Variants in KIAA1328 observed in about 807,000 individuals in gnomAD.
KIAA1328 encodes protein hinderin.
KIAA1328 carries 52 observed loss-of-function variants against 68.1 expected under a neutral mutation model. That is an observed-to-expected ratio of 0.76 (90% confidence interval 0.61 to 0.96). The LOEUF is 0.96. KIAA1328 is among the 40% of genes least tolerant of loss of function. The pLI, the probability that KIAA1328 is intolerant of heterozygous loss-of-function variation, is 0.00. For missense variants in KIAA1328, 641 were observed against 677.6 expected (o/e 0.95, Z 0.60); for synonymous variants, 232 against 239.4 (o/e 0.97, Z 0.28).
intron 4 of KIAA1328, among the ~76,000 whole-genome samples, chr18:36,884,141 T>C (rs1383666732): frequency 6.6e-6 from 1 of 151,826 alleles, no homozygotes; most frequent in Non-Finnish European, 1.5e-5. Flanking sequence ...TTATTGCAAG[T>C]GGGCTTGAGA....
At chr18:36,869,876 T>C (rs1350096849) in intron 4 of KIAA1328, among the ~76,000 whole-genome samples, 1 of 152,128 alleles carries the variant, frequency 6.6e-6, no homozygotes, top group Non-Finnish European at 1.5e-5. Context: ...TTATTCTTTT[T>C]TTTTTGAGAC....
chr18:36,904,276 T>C (rs2049138820), intron 5 of KIAA1328, among the ~76,000 whole-genome samples: 1 of 152,146 alleles, frequency 6.6e-6, no homozygotes, highest in African/African-American at 2.4e-5. Context: ...AGCTTCTATA[T>C]GCATATTGAT....
In KIAA1328 at chr18:37,067,467, A is replaced by G. The variant is rs1843070940; in HGVS notation, c.1154A>G (p.Gln385Arg). ...CTGGAAATTGAAAAGGAGCGCCTTC[A>G]GCATCTGCTGGCCCAGCAGGAGACA... ...MELEIEKERL[Q>R]HLLAQQETKL... Residue 385 changes from glutamine to arginine, a missense_variant, in exon 7 of 10, where the codon CAG becomes CGG. Gln to Arg is a conservative substitution (Grantham distance 43). Coordinates refer to ENST00000280020, the MANE Select transcript of KIAA1328 (RefSeq NM_020776.3). The G allele has an allele frequency of 6.4e-7, 1 of 1,562,246 alleles. No homozygotes were observed. The highest frequency in any genetic ancestry group is 8.7e-7 in the Non-Finnish European group (1 of 1,154,496).
chr18:36,848,856 CATTG>C (rs2047122168), intron 4 of KIAA1328, among the ~76,000 whole-genome samples: 1 of 151,336 alleles, frequency 6.6e-6, no homozygotes, highest in Non-Finnish European at 1.5e-5. Flanking sequence ...AGGTAAACTA[CATTG>C]ATTGATTTTT....
intron 6 of KIAA1328, among the ~76,000 whole-genome samples, chr18:36,993,220 TAGAA>T (rs1429447040): frequency 6.6e-6 from 1 of 152,214 alleles, no homozygotes; most frequent in Non-Finnish European, 1.5e-5. Flanking sequence ...AGTTGAATGT[TAGAA>T]AGGAAATTCC....
intron 6 of KIAA1328, among the ~76,000 whole-genome samples, chr18:37,056,143 TGA>T (rs1264004336): frequency 2.0e-5 from 3 of 152,298 alleles, no homozygotes; most frequent in African/African-American, 7.2e-5. Context: ...TTTTGACATG[TGA>T]GAACGTGAGA....
intron 4 of KIAA1328, among the ~76,000 whole-genome samples, chr18:36,872,970 G>A (rs1223381667): frequency 6.6e-6 from 1 of 152,164 alleles, no homozygotes; most frequent in African/African-American, 2.4e-5. Flanking sequence ...TTGTGTGACT[G>A]TATTGAAGCA....
intron 5 of KIAA1328, among the ~76,000 whole-genome samples, chr18:36,900,976 T>G (rs566847468): frequency 6.6e-6 from 1 of 152,184 alleles, no homozygotes; most frequent in African/African-American, 2.4e-5. Flanking sequence ...TATAATCTGG[T>G]TGTCTCTTCA....
At chr18:37,030,010 A>G (rs749672707) in intron 6 of KIAA1328, among the ~76,000 whole-genome samples, 9 of 152,128 alleles carry the variant, frequency 5.9e-5, no homozygotes, top group Admixed American at 2.0e-4. Flanking sequence ...CATGCATAAC[A>G]TTCCTTTATT....
At chr18:37,015,664 T>C (rs1044746941) in intron 6 of KIAA1328, among the ~76,000 whole-genome samples, 6 of 152,198 alleles carry the variant, frequency 3.9e-5, no homozygotes, top group African/African-American at 1.4e-4. Context: ...TTGTGTCACT[T>C]GTGATTTCTT....
intron 1 of KIAA1328, among the ~76,000 whole-genome samples, chr18:36,831,917 G>A (rs925311486): frequency 6.6e-6 from 1 of 151,376 alleles, no homozygotes; most frequent in African/African-American, 2.4e-5. Flanking sequence ...AAATGTGGAT[G>A]GAAAATATTT....
chr18:37,057,163 T>C (rs2055944327), intron 6 of KIAA1328, among the ~76,000 whole-genome samples: 2 of 152,310 alleles, frequency 1.3e-5, no homozygotes, highest in South Asian at 4.1e-4. Flanking sequence ...TATTGTTCAC[T>C]TTTATTACTG....
intron 5 of KIAA1328, among the ~76,000 whole-genome samples, chr18:36,907,118 T>A (rs543999844): frequency 6.6e-6 from 1 of 152,144 alleles, no homozygotes. Context: ...GGAATAAAGT[T>A]GACTTTTCTA....
At chr18:37,111,777 G>C (rs2057938205) in intron 7 of KIAA1328, among the ~76,000 whole-genome samples, 1 of 152,168 alleles carries the variant, frequency 6.6e-6, no homozygotes, top group Non-Finnish European at 1.5e-5. Flanking sequence ...CCTAGCCAAG[G>C]GAAGCCATGA....
chr18:36,894,549 AG>A (rs1238741994), intron 5 of KIAA1328, among the ~76,000 whole-genome samples: 1 of 151,494 alleles, frequency 6.6e-6, no homozygotes, highest in Non-Finnish European at 1.5e-5. Context: ...TTTTTGAGAC[AG>A]GGTCTTACCA....
At chr18:36,869,319 G>T (rs748014142) in intron 4 of KIAA1328, among the ~76,000 whole-genome samples, 8 of 151,962 alleles carry the variant, frequency 5.3e-5, no homozygotes, top group African/African-American at 1.9e-4. Flanking sequence ...TATTTCTTCT[G>T]GTTCTAACCA....
intron 6 of KIAA1328, among the ~76,000 whole-genome samples, chr18:37,013,791 C>G (rs2054057681): frequency 6.6e-6 from 1 of 152,080 alleles, no homozygotes; most frequent in African/African-American, 2.4e-5. Flanking sequence ...TTATGAATAG[C>G]TCTGTGATGA....
chr18:36,927,041 G>C (rs1172232724), intron 5 of KIAA1328, among the ~76,000 whole-genome samples: 1 of 152,078 alleles, frequency 6.6e-6, no homozygotes, highest in Non-Finnish European at 1.5e-5. Context: ...CATCACCAAA[G>C]GGATTGTTGC....
intron 9 of KIAA1328, among the ~76,000 whole-genome samples, chr18:37,217,264 G>A (rs947933985): frequency 1.6e-4 from 24 of 152,164 alleles, no homozygotes; most frequent in Non-Finnish European, 2.4e-4. Flanking sequence ...TCCTAGCATC[G>A]ATGGTCTTTA....
Sources: gnomAD v4.1 joint callset for allele counts (sites outside exome capture counted in the v4.1 genomes callset) on GRCh38, gnomAD v4.1.1 for gene constraint, MANE v1.5 for transcripts, NCBI Gene and HGNC (gene_info 2026-07-23, HGNC 2026-07-21) for gene names.